DCUN1D1: variants seen among roughly 807,000 people sequenced by gnomAD.
DCUN1D1 encodes DCN1-like protein 1.
In DCUN1D1, 3 loss-of-function variants were observed where a neutral mutation model predicts 39.0. The observed-to-expected ratio is 0.08, with a 90% CI of 0.04 to 0.20. The LOEUF (loss-of-function observed/expected upper bound fraction) is 0.20. Ranked by LOEUF, DCUN1D1 falls within the 10% of genes least tolerant of loss-of-function variation. DCUN1D1 has a pLI of 1.00. For missense variants in DCUN1D1, 158 were observed against 302.4 expected (o/e 0.52, Z 3.54); for synonymous variants, 82 against 96.3 (o/e 0.85, Z 0.87).
chr3:182,982,333 C>T (rs1222431978), upstream of DCUN1D1, among the ~76,000 whole-genome samples: 1 of 152,192 alleles, frequency 6.6e-6, no homozygotes, highest in Non-Finnish European at 1.5e-5. Flanking sequence ...CTGTCACTCA[C>T]ATTCCCACGT....
At chr3:182,964,210 A>G (rs1727548480) in intron 2 of DCUN1D1, among the ~76,000 whole-genome samples, 161 bp from the exon 3 acceptor site, 1 of 152,216 alleles carries the variant, frequency 6.6e-6, no homozygotes, top group Non-Finnish European at 1.5e-5. Flanking sequence ...ATTTAAAGCC[A>G]TTCTCCTTAC....
intron 1 of DCUN1D1, among the ~76,000 whole-genome samples, chr3:182,967,063 C>T (rs1017129834): frequency 6.6e-6 from 1 of 151,780 alleles, no homozygotes; most frequent in South Asian, 2.1e-4. Flanking sequence ...GCCAAGATCA[C>T]ATCATCACAC....
At position 182,978,321 on chromosome 3, in the gene DCUN1D1, ACTT is replaced by A. The variant is rs1325461591; in HGVS notation, c.3+2163_3+2165del. ...TGTAAGATAACTTTATAATGAAACA[ACTT>A]CTTAACTATAAAATTCTTACTGCCT... On this transcript the variant is annotated intron_variant, in intron 1 of 6. Transcript: ENST00000292782. Among the ~76,000 whole-genome samples the A allele has an allele frequency of 6.6e-5, 10 of 152,298 alleles. No individual in the cohort carries two copies. In the South Asian group the frequency reaches 1.9e-3, roughly 28 times the overall value.
At chr3:182,956,404 C>T in intron 4 of DCUN1D1, 1 of 208,574 alleles carries the variant, frequency 4.8e-6, no homozygotes, top group Non-Finnish European at 1.0e-5. Context: ...ATAACAACAA[C>T]AACAACAATA....
Position 182,938,500 on chromosome 3 carries a change from C to T in DCUN1D1, c.*6594G>A, listed in dbSNP as rs916692144. On this transcript the variant is annotated 3_prime_UTR_variant, in exon 7 of 7. Transcript: ENST00000292782. Reference sequence around the variant, plus strand: ...TTAGACATACATATTGAAATATTTACAAATGAAATGATTTGCTATCTGGGA... The same window carrying T: ...TTAGACATACATATTGAAATATTTATAAATGAAATGATTTGCTATCTGGGA... The T allele has an allele frequency of 6.6e-6, 1 of 151,984 alleles. No homozygotes were observed. Among genetic ancestry groups the T allele is most frequent in the African/African-American group, 2.4e-5 (1 of 41,376 alleles). The allele number at this position is 151,984 out of a possible 1,614,324, so 9.4% of individuals were successfully genotyped here. A position where few individuals can be genotyped will look rare whatever the true frequency, so the allele number is the denominator to read the frequency against.
At chr3:182,966,452 C>T (rs1401036851) in intron 1 of DCUN1D1, among the ~76,000 whole-genome samples, 1 of 151,984 alleles carries the variant, frequency 6.6e-6, no homozygotes, top group Non-Finnish European at 1.5e-5. Context: ...CACTTCATTC[C>T]CTTAGCCAGA....
At chr3:182,950,167 G>A (rs552755532) in intron 4 of DCUN1D1, among the ~76,000 whole-genome samples, 2 of 147,748 alleles carry the variant, frequency 1.4e-5, no homozygotes, top group African/African-American at 2.5e-5. Flanking sequence ...TTTTTTTTTT[G>A]AGATGGAGTC....
intron 1 of DCUN1D1, among the ~76,000 whole-genome samples, chr3:182,972,241 T>C (rs1405880958): frequency 1.3e-5 from 2 of 151,882 alleles, no homozygotes; most frequent in African/African-American, 4.8e-5. Flanking sequence ...CAGGGCACTC[T>C]AAGTCAGGGT....
At chr3:182,956,692 T>C (rs1264518263) in intron 4 of DCUN1D1, among the ~76,000 whole-genome samples, 1 of 152,216 alleles carries the variant, frequency 6.6e-6, no homozygotes, top group Non-Finnish European at 1.5e-5. Context: ...TTTAAATCAA[T>C]TGTAGAGGTA....
chr3:182,984,211 T>G (rs1389018188), upstream of DCUN1D1, among the ~76,000 whole-genome samples: 1 of 152,206 alleles, frequency 6.6e-6, no homozygotes, highest in Non-Finnish European at 1.5e-5. Flanking sequence ...TACCATATGG[T>G]CAGATGGTAA....
intron 1 of DCUN1D1, among the ~76,000 whole-genome samples, chr3:182,971,788 A>G (rs1157735798): frequency 6.6e-6 from 1 of 152,170 alleles, no homozygotes; most frequent in Non-Finnish European, 1.5e-5. Flanking sequence ...CAGAGCCAGA[A>G]TGAAACCCTG....
chr3:182,959,713 G>GCTATC (rs1225043164), intron 4 of DCUN1D1, among the ~76,000 whole-genome samples: 7 of 152,138 alleles, frequency 4.6e-5, no homozygotes, highest in African/African-American at 9.7e-5. Flanking sequence ...ATGAGGCAGT[G>GCTATC]CTATGGTTTG....
chr3:182,983,366 G>A (rs1414982073), upstream of DCUN1D1, among the ~76,000 whole-genome samples: 1 of 152,118 alleles, frequency 6.6e-6, no homozygotes, highest in Non-Finnish European at 1.5e-5. Flanking sequence ...CAGCTATTAC[G>A]CCCATCCTAC....
intron 1 of DCUN1D1, among the ~76,000 whole-genome samples, chr3:182,978,095 T>C (rs1399522054): frequency 6.6e-6 from 1 of 151,160 alleles, no homozygotes; most frequent in Non-Finnish European, 1.5e-5. Flanking sequence ...CAGAATATTA[T>C]CTAATTTTGG....
chr3:182,953,207 A>G (rs1269381717), intron 4 of DCUN1D1, among the ~76,000 whole-genome samples: 1 of 152,208 alleles, frequency 6.6e-6, no homozygotes, highest in East Asian at 1.9e-4. Context: ...CAGACTAAAG[A>G]TGCTCTTGAC....
intron 3 of DCUN1D1, 94 bp downstream of exon 3, chr3:182,963,787 G>A: frequency 1.8e-6 from 2 of 1,083,590 alleles, no homozygotes; most frequent in African/African-American, 1.6e-5. Context: ...AATGTTTGTG[G>A]GCCAGCAAAT....
intron 4 of DCUN1D1, among the ~76,000 whole-genome samples, chr3:182,956,916 G>T (rs1286963244): frequency 6.6e-6 from 1 of 152,164 alleles, no homozygotes; most frequent in African/African-American, 2.4e-5. Flanking sequence ...AACTTTATGG[G>T]CTCTATTTTG....
Position 182,938,546 on chromosome 3 carries a change from G to A in DCUN1D1, c.*6548C>T, listed in dbSNP as rs1725992142. 1 of 152,018 alleles carries A rather than the reference G, an allele frequency of 6.6e-6. No individual in the cohort carries two copies. Among genetic ancestry groups the A allele is most frequent in the Non-Finnish European group, 1.5e-5 (1 of 68,000 alleles). The allele number at this position is 152,018 out of a possible 1,614,324, so 9.4% of individuals were successfully genotyped here. A position where few individuals can be genotyped will look rare whatever the true frequency, so the allele number is the denominator to read the frequency against. On this transcript the variant is annotated 3_prime_UTR_variant, in exon 7 of 7. Transcript: ENST00000292782. ...TGGGATTTGCTTCAAAATAAATAGG[G>A]GTTCAAAGATGAATGGCATTTAGAT...
Position 182,938,600 on chromosome 3 carries a change from G to A in DCUN1D1, c.*6494C>T, listed in dbSNP as rs1228862968. The A allele has an allele frequency of 6.6e-6, 1 of 152,154 alleles. No homozygotes were observed. The highest frequency in any genetic ancestry group is 1.5e-5 in the Non-Finnish European group (1 of 68,020). The allele number at this position is 152,154 out of a possible 1,614,324, so 9.4% of individuals were successfully genotyped here. A position where few individuals can be genotyped will look rare whatever the true frequency, so the allele number is the denominator to read the frequency against. ...TCAAGATTGGCCATGGATTGATCAT[G>A]TTAACATGAGTTCATTATGCAATTG... On this transcript the variant is annotated 3_prime_UTR_variant, in exon 7 of 7. Transcript: ENST00000292782.
Sources: allele counts gnomAD v4.1 joint callset (sites outside exome capture counted in the v4.1 genomes callset), GRCh38; gene constraint gnomAD v4.1.1; transcripts MANE v1.5; gene names NCBI Gene and HGNC (gene_info 2026-07-23, HGNC 2026-07-21).